Variants in EPC2 observed in about 807,000 individuals in gnomAD.
EPC2 encodes the protein enhancer of polycomb homolog 2.
EPC2 carries 14 observed loss-of-function variants against 92.1 expected under a neutral mutation model. The ratio of observed to expected loss-of-function variants is 0.15; its 90% CI spans 0.10 to 0.24. The LOEUF (loss-of-function observed/expected upper bound fraction) is 0.24. EPC2 is among the 10% of genes least tolerant of loss of function. The pLI, the probability that EPC2 is intolerant of heterozygous loss-of-function variation, is 1.00. For synonymous variants in EPC2, 340 were observed against 334.7 expected, an observed-to-expected ratio of 1.02 and a Z score of -0.17; for missense variants, 755 against 971.5, an observed-to-expected ratio of 0.78 and a Z score of 2.96.
At chr2:148,724,399 G>A (rs1206753182) in intron 2 of EPC2, among the ~76,000 whole-genome samples, 3 of 152,022 alleles carry the variant, frequency 2.0e-5, no homozygotes, top group Non-Finnish European at 4.4e-5. Context: ...GGAACATTCA[G>A]TTATCCATCA....
At chr2:148,771,571 C>T (rs981145507) in intron 10 of EPC2, among the ~76,000 whole-genome samples, 184 bp downstream of exon 10, 2 of 152,106 alleles carry the variant, frequency 1.3e-5, no homozygotes, top group East Asian at 1.9e-4. Flanking sequence ...ACATCTGTTT[C>T]GGGTGTGTGC....
At chr2:148,719,825 T>C (rs1485258928) in intron 2 of EPC2, among the ~76,000 whole-genome samples, 1 of 152,258 alleles carries the variant, frequency 6.6e-6, no homozygotes, top group Non-Finnish European at 1.5e-5. Flanking sequence ...CCCCACTGGC[T>C]GAACTGGCTG....
Position 148,722,234 on chromosome 2 carries a change from T to C in EPC2, c.314-21388T>C, listed in dbSNP as rs1682394124. Among the ~76,000 whole-genome samples the C allele has an allele frequency of 2.0e-5, 3 of 152,294 alleles. No homozygotes were observed. The South Asian group carries it at 6.2e-4, about 32-fold the overall frequency. ...GAGCCTGTGTCTCTGGACTGTGAAC[T>C]TCACCAGTGCTTCTCAGTTTTTCCC... On this transcript the variant is annotated intron_variant, in intron 2 of 13. Transcript: ENST00000258484.
At chr2:148,768,041 G>T (rs998480017) in intron 7 of EPC2, among the ~76,000 whole-genome samples, 1 of 152,166 alleles carries the variant, frequency 6.6e-6, no homozygotes, top group Non-Finnish European at 1.5e-5. Context: ...AGGTATATTG[G>T]AACCTCAAAC....
In EPC2 at chr2:148,761,762, A is replaced by G. The variant is rs1273080752; in HGVS notation, c.667-20A>G. On this transcript the variant is annotated intron_variant, in intron 4 of 13. Coordinates refer to ENST00000258484, the MANE Select transcript of EPC2 (RefSeq NM_015630.4). ...AGATAACTGTGTTGTTTATTCTTCT[A>G]AAATTATTATTTTTAATAGAATCGT... The G allele has an allele frequency of 2.1e-6, 3 of 1,438,026 alleles. No homozygotes were observed. Among genetic ancestry groups the G allele is most frequent in the Non-Finnish European group, 2.8e-6 (3 of 1,083,098 alleles). The allele number at this position is 1,438,026 out of a possible 1,614,324, so 89.1% of individuals were successfully genotyped here. A position where few individuals can be genotyped will look rare whatever the true frequency, so the allele number is the denominator to read the frequency against.
chr2:148,749,340 A>G (rs1683043386), intron 3 of EPC2, among the ~76,000 whole-genome samples: 1 of 152,106 alleles, frequency 6.6e-6, no homozygotes, highest in Non-Finnish European at 1.5e-5. Flanking sequence ...AAGGTGTAGA[A>G]CTATCCAGTA....
At chr2:148,774,269 T>A (rs926368948) in intron 10 of EPC2, among the ~76,000 whole-genome samples, 1 of 152,200 alleles carries the variant, frequency 6.6e-6, no homozygotes, top group Non-Finnish European at 1.5e-5. Context: ...GCAAATAGTT[T>A]TCTCTTAAAT....
chr2:148,648,210 A>G (rs1683846093), intron 1 of EPC2, among the ~76,000 whole-genome samples: 1 of 152,218 alleles, frequency 6.6e-6, no homozygotes, highest in Non-Finnish European at 1.5e-5. Flanking sequence ...TTTGCTTCCC[A>G]GAGTGTCCAA....
chr2:148,728,122 T>C (rs1485694131), intron 2 of EPC2, among the ~76,000 whole-genome samples: 1 of 152,160 alleles, frequency 6.6e-6, no homozygotes, highest in Non-Finnish European at 1.5e-5. Flanking sequence ...CCCCAACAGC[T>C]AGAATCACAG....
At chr2:148,682,519 A>G (rs555382127) in intron 1 of EPC2, among the ~76,000 whole-genome samples, 1 of 152,246 alleles carries the variant, frequency 6.6e-6, no homozygotes, top group South Asian at 2.1e-4. Flanking sequence ...AAAACTAAAT[A>G]TGTTTTGAAA....
At chr2:148,655,141 T>C (rs1467977290) in intron 1 of EPC2, among the ~76,000 whole-genome samples, 2 of 152,236 alleles carry the variant, frequency 1.3e-5, no homozygotes, top group South Asian at 2.1e-4. Context: ...TAGTTGGTTG[T>C]ATGAGACGGT....
chr2:148,744,995 C>A (rs1417052103), intron 3 of EPC2, among the ~76,000 whole-genome samples: 1 of 118,500 alleles, frequency 8.4e-6, no homozygotes. Flanking sequence ...GTTTGCCCCC[C>A]CCCCCCGCAC....
intron 2 of EPC2, among the ~76,000 whole-genome samples, chr2:148,721,718 T>A (rs1682377899): frequency 6.7e-6 from 1 of 149,444 alleles, no homozygotes; most frequent in African/African-American, 2.4e-5. Context: ...TATTCTTTTT[T>A]TTTTTTTTTT....
chr2:148,673,877 C>T (rs949432656), intron 1 of EPC2, among the ~76,000 whole-genome samples: 4 of 152,256 alleles, frequency 2.6e-5, no homozygotes, highest in East Asian at 1.9e-4. Context: ...TGAGCCACCA[C>T]GCCTGGCTTT....
chr2:148,691,751 G>C (rs1041184390), intron 2 of EPC2: 1 of 912,782 alleles, frequency 1.1e-6, no homozygotes. Flanking sequence ...TTCTCAGGAA[G>C]ATTTTTTGCT....
chr2:148,707,659 C>T (rs568242006), intron 2 of EPC2, among the ~76,000 whole-genome samples: 1 of 152,314 alleles, frequency 6.6e-6, no homozygotes, highest in South Asian at 2.1e-4. Context: ...TCTCACACCA[C>T]AGTGCAATCA....
chr2:148,672,990 C>T (rs114130957), intron 1 of EPC2, among the ~76,000 whole-genome samples: 1 of 152,098 alleles, frequency 6.6e-6, no homozygotes, highest in Non-Finnish European at 1.5e-5. Flanking sequence ...GTTTTTTTCT[C>T]TCAGTCCTTT....
chr2:148,777,561 C>G (rs1683671175), intron 10 of EPC2, among the ~76,000 whole-genome samples: 1 of 152,006 alleles, frequency 6.6e-6, no homozygotes, highest in South Asian at 2.1e-4. Context: ...CCCATATACT[C>G]AAGAATACCT....
chr2:148,722,750 C>T (rs1025474478), intron 2 of EPC2, among the ~76,000 whole-genome samples: 1 of 152,148 alleles, frequency 6.6e-6, no homozygotes, highest in African/African-American at 2.4e-5. Flanking sequence ...CTATTCACAG[C>T]AGCAAAGACG....
Sources: allele counts gnomAD v4.1 joint callset (sites outside exome capture counted in the v4.1 genomes callset), GRCh38; gene constraint gnomAD v4.1.1; transcripts MANE v1.5; gene names NCBI Gene and HGNC (gene_info 2026-07-23, HGNC 2026-07-21).